The following ATP10A variants were observed in gnomAD, a reference collection of about 807,000 sequenced individuals.
ATP10A encodes the protein phospholipid-transporting ATPase VA.
ATP10A carries 111 observed loss-of-function variants against 147.8 expected under a neutral mutation model. The ratio of observed to expected loss-of-function variants is 0.75; its 90% CI spans 0.64 to 0.88. The LOEUF (loss-of-function observed/expected upper bound fraction) is 0.88. ATP10A is among the 40% of genes least tolerant of loss of function. ATP10A has a pLI of 0.00. For synonymous variants in ATP10A, 875 were observed against 841.6 expected, an observed-to-expected ratio of 1.04 and a Z score of -0.69; for missense variants, 1,927 against 1,959.0, an observed-to-expected ratio of 0.98 and a Z score of 0.31.
chr15:25,767,885 C>T (rs928869241), intron 2 of ATP10A, among the ~76,000 whole-genome samples: 3 of 152,250 alleles, frequency 2.0e-5, no homozygotes, highest in Non-Finnish European at 4.4e-5. Context: ...CCCTTGCGGG[C>T]CCTCTGTCTG....
intron 1 of ATP10A, chr15:25,848,756 G>A (rs993305839): frequency 5.2e-5 from 8 of 153,492 alleles, no homozygotes; most frequent in South Asian, 2.1e-4. Flanking sequence ...AGGGGAATTA[G>A]AATTGGCTGC....
chr15:25,736,908 TGAC>T (rs1887320050), intron 2 of ATP10A, among the ~76,000 whole-genome samples: 1 of 152,206 alleles, frequency 6.6e-6, no homozygotes, highest in Admixed American at 6.5e-5. Context: ...CTGTCTTTAA[TGAC>T]ACATACAAAA....
In ATP10A at chr15:25,679,646, CT is replaced by C. The variant is rs1567293354; in HGVS notation, c.4194del (p.Glu1400ArgfsTer4). 2 of 1,613,310 alleles carry C rather than the reference CT, an allele frequency of 1.2e-6. No homozygotes were observed. The highest frequency in any genetic ancestry group is 2.7e-5 in the African/African-American group (2 of 74,928). The part of the protein sequence containing the change: ...LSAPAPMSSA[P>X]GEAVLRSPGG... ...CCTGGACTCCTCAGGACAGCCTCCC[CT>C]GGCGCAGAGGACATGGGGGCCGGTG... On this transcript the variant is annotated frameshift_variant, in exon 21 of 21. Coordinates refer to ENST00000555815, the MANE Select transcript of ATP10A (RefSeq NM_024490.4). LOFTEE classifies it high-confidence loss of function.
Position 25,716,733 on chromosome 15 carries a change from T to C in ATP10A, c.1773A>G (p.Thr591=). 1 of 1,576,296 alleles carries C rather than the reference T, an allele frequency of 6.3e-7. No individual in the cohort carries two copies. Among genetic ancestry groups the C allele is most frequent in the South Asian group, 1.2e-5 (1 of 85,354 alleles). ...TCAGGGACCCTCCAGAACTTGCCTT[T>C]GTTCGTGGCTGATCCGGGGACGTGA... The part of the protein sequence containing the change: ...VVVTSPDQPR[T]KVRVRFELKS... Residue 591 remains threonine (T), a synonymous_variant, in exon 9 of 21, where the codon ACA becomes ACG. Transcript: ENST00000555815.
intron 2 of ATP10A, among the ~76,000 whole-genome samples, chr15:25,780,416 C>A (rs1799904620): frequency 6.6e-6 from 1 of 152,256 alleles, no homozygotes. Context: ...GGCATTAGCA[C>A]CTCACACTCC....
intron 1 of ATP10A, among the ~76,000 whole-genome samples, chr15:25,817,736 T>G (rs949909404): frequency 2.0e-4 from 31 of 152,338 alleles, no homozygotes; most frequent in African/African-American, 7.2e-4. Flanking sequence ...GCTCAATACA[T>G]GGATATCCAC....
chr15:25,771,140 G>A (rs1009587808), intron 2 of ATP10A, among the ~76,000 whole-genome samples: 2 of 152,108 alleles, frequency 1.3e-5, no homozygotes, highest in Non-Finnish European at 2.9e-5. Context: ...GCAAGTGCTG[G>A]CTCTGGGTCT....
intron 2 of ATP10A, among the ~76,000 whole-genome samples, chr15:25,761,113 A>G (rs10459725): frequency 0.12 from 18,287 of 152,262 alleles, 1,235 homozygotes; most frequent in East Asian, 0.28. Context: ...GAAATAAACT[A>G]TGAATACCTA....
chr15:25,706,997 T>G (rs1040748509), intron 12 of ATP10A, among the ~76,000 whole-genome samples: 5 of 152,252 alleles, frequency 3.3e-5, no homozygotes, highest in African/African-American at 1.2e-4. Flanking sequence ...TTCTCAGGTG[T>G]TCCATTTAAT....
Position 25,714,190 on chromosome 15 carries a change from G to T in ATP10A, c.1828C>A (p.Leu610Met). The T allele has an allele frequency of 3.1e-6, 5 of 1,605,860 alleles. No individual in the cohort carries two copies. Among genetic ancestry groups the T allele is most frequent in the Non-Finnish European group, 4.2e-6 (5 of 1,179,998 alleles). ...AGGCAGCTGGGTGTGAACCTCCGCA[G>T]GAAGTCTTCTATCGTCTTCACCGGG... ...KSPVKTIEDF[L>M]RRFTPSCLTS... Residue 610 changes from leucine to methionine, a missense_variant, in exon 10 of 21, where the codon CTG (leucine) becomes ATG (methionine). By Grantham distance (15) the Leu-to-Met change is conservative. Transcript: ENST00000555815.
intron 1 of ATP10A, among the ~76,000 whole-genome samples, chr15:25,850,110 C>T (rs1054005473): frequency 1.3e-5 from 2 of 152,166 alleles, no homozygotes; most frequent in Non-Finnish European, 2.9e-5. Flanking sequence ...TTACATGCCA[C>T]GTATATTTTG....
At chr15:25,750,729 AT>A (rs1888112894) in intron 2 of ATP10A, among the ~76,000 whole-genome samples, 1 of 151,478 alleles carries the variant, frequency 6.6e-6, no homozygotes, top group Non-Finnish European at 1.5e-5. Context: ...GATGATGATG[AT>A]GATGATGATG....
downstream of ATP10A, among the ~76,000 whole-genome samples, chr15:25,675,144 G>T (rs138815570): frequency 2.7e-4 from 41 of 152,282 alleles, no homozygotes; most frequent in African/African-American, 9.6e-4. Context: ...TCGTGTACTG[G>T]TTGGGCCTGA....
chr15:25,777,788 T>TC (rs1377773687), intron 2 of ATP10A, among the ~76,000 whole-genome samples: 2 of 149,796 alleles, frequency 1.3e-5, no homozygotes, highest in Admixed American at 6.7e-5. Flanking sequence ...CTTTCTTTTT[T>TC]TTTTTTTGAG....
intron 1 of ATP10A, among the ~76,000 whole-genome samples, chr15:25,848,379 C>T (rs1435903703): frequency 6.6e-6 from 1 of 152,106 alleles, no homozygotes; most frequent in Non-Finnish European, 1.5e-5. Context: ...ACCCCAGTCT[C>T]CTGGTCTCAA....
chr15:25,697,310 C>T (rs1463271456), intron 13 of ATP10A, among the ~76,000 whole-genome samples: 4 of 152,086 alleles, frequency 2.6e-5, no homozygotes, highest in Admixed American at 1.3e-4. Context: ...TGATCACCTG[C>T]TTAAAAAAAA....
At chr15:25,726,443 TTTTC>T (rs1902555890) in intron 4 of ATP10A, among the ~76,000 whole-genome samples, 1 of 146,160 alleles carries the variant, frequency 6.8e-6, no homozygotes, top group Non-Finnish European at 1.5e-5. Flanking sequence ...GTTATGCTTT[TTTTC>T]TTTTTTTTTT....
At chr15:25,736,652 T>TA (rs1351450100) in intron 2 of ATP10A, among the ~76,000 whole-genome samples, 10 of 151,470 alleles carry the variant, frequency 6.6e-5, no homozygotes, top group South Asian at 2.1e-4. Context: ...TCTGCTCAAT[T>TA]AAAAAAAAAC....
intron 2 of ATP10A, among the ~76,000 whole-genome samples, chr15:25,748,219 C>A (rs1264703307): frequency 6.6e-6 from 1 of 152,090 alleles, no homozygotes; most frequent in Non-Finnish European, 1.5e-5. Context: ...GCCTTGGCCT[C>A]CCAAAGTGCT....
Sources: gnomAD v4.1 joint callset for allele counts (sites outside exome capture counted in the v4.1 genomes callset) on GRCh38, gnomAD v4.1.1 for gene constraint, MANE v1.5 for transcripts, NCBI Gene and HGNC (gene_info 2026-07-23, HGNC 2026-07-21) for gene names.